Variants in MSN observed in about 807,000 individuals in gnomAD.
MSN encodes moesin.
Under a neutral mutation model 48.0 loss-of-function variants are expected in MSN, and 2 were observed. That is an observed-to-expected ratio of 0.04 (90% CI 0.02 to 0.13). The LOEUF (loss-of-function observed/expected upper bound fraction) is 0.13. Ranked by LOEUF, MSN falls within the 10% of genes least tolerant of loss-of-function variation. The probability of loss-of-function intolerance (pLI) is 1.00; values close to 1 mark genes in which losing one functional copy is unlikely to be tolerated. For synonymous variants in MSN, 146 were observed against 166.9 expected, an observed-to-expected ratio of 0.87 and a Z score of 0.97; for missense variants, 267 against 470.1, an observed-to-expected ratio of 0.57 and a Z score of 3.99.
At chrX:65,730,391 T>A (rs1055193933) in intron 4 of MSN, among the ~76,000 whole-genome samples, 3 of 111,521 alleles carry the variant, frequency 2.7e-5, no homozygotes, top group Non-Finnish European at 3.8e-5. Flanking sequence ...TTTCCTACTA[T>A]ACCCAATGGC....
At chrX:65,699,634 A>T (rs987515490) in intron 1 of MSN, among the ~76,000 whole-genome samples, 10 of 108,568 alleles carry the variant, frequency 9.2e-5, no homozygotes, top group African/African-American at 3.0e-4. Flanking sequence ...CTGTAGTCCC[A>T]GCTACTCGGA....
chrX:65,639,323 T>G (rs1403666253), intron 1 of MSN, among the ~76,000 whole-genome samples: 1 of 111,117 alleles, frequency 9.0e-6, no homozygotes, highest in East Asian at 2.8e-4. Context: ...TTTCATATTT[T>G]TAGTAGAGAC....
At chrX:65,715,892 T>C (rs928344061) in intron 1 of MSN, among the ~76,000 whole-genome samples, 3 of 111,979 alleles carry the variant, frequency 2.7e-5, no homozygotes, top group African/African-American at 9.7e-5. Context: ...GAGGGCATTC[T>C]TGTCTTGTGT....
chrX:65,622,510 G>GTCT (rs2070458235), intron 1 of MSN, among the ~76,000 whole-genome samples: 1 of 66,478 alleles, frequency 1.5e-5, no homozygotes, highest in African/African-American at 4.7e-5. Context: ...AGGCATCTTT[G>GTCT]TTTTTTTTTT....
intron 1 of MSN, chrX:65,624,824 GAAGAAAAAAGAAAGA>G (rs1214455898): frequency 1.0e-5 from 1 of 99,399 alleles, no homozygotes; most frequent in Non-Finnish European, 2.1e-5. Flanking sequence ...AGAAAAGAAA[GAAGAAAAAAGAAAGA>G]AAGAAAAAGA....
At chrX:65,628,773 G>A (rs891726953) in intron 1 of MSN, among the ~76,000 whole-genome samples, 1 of 110,494 alleles carries the variant, frequency 9.1e-6, no homozygotes, top group Non-Finnish European at 1.9e-5. Context: ...TTTTAAAACA[G>A]AATGTTTTTG....
At chrX:65,719,752 A>G (rs751151085) in intron 2 of MSN, among the ~76,000 whole-genome samples, 89 of 111,469 alleles carry the variant, frequency 8.0e-4, no homozygotes, top group Middle Eastern at 4.6e-3. Flanking sequence ...TCCCCATCCC[A>G]AACCAGATGA....
intron 1 of MSN, among the ~76,000 whole-genome samples, chrX:65,600,049 G>C (rs1199940275): frequency 9.2e-6 from 1 of 109,172 alleles, no homozygotes; most frequent in African/African-American, 3.3e-5. Flanking sequence ...GTGGGGGTGG[G>C]TATAGATGCA....
At chrX:65,629,981 C>T (rs919294284) in intron 1 of MSN, among the ~76,000 whole-genome samples, 1 of 110,892 alleles carries the variant, frequency 9.0e-6, no homozygotes, top group African/African-American at 3.3e-5. Flanking sequence ...GAGTTTGAGA[C>T]CAGCCTGGCC....
At chrX:65,679,721 A>C (rs2071035551) in intron 1 of MSN, among the ~76,000 whole-genome samples, 2 of 112,446 alleles carry the variant, frequency 1.8e-5, no homozygotes, top group Middle Eastern at 4.6e-3. Flanking sequence ...CACTTTATCC[A>C]GTGCTTGCTT....
At chrX:65,605,495 C>T (rs752506487) in intron 1 of MSN, among the ~76,000 whole-genome samples, 1 of 112,122 alleles carries the variant, frequency 8.9e-6, no homozygotes, top group African/African-American at 3.2e-5. Flanking sequence ...ACCCTTGCCC[C>T]CTACAACCCA....
intron 1 of MSN, among the ~76,000 whole-genome samples, chrX:65,696,531 T>A (rs1285184063): frequency 1.8e-5 from 2 of 111,136 alleles, no homozygotes; most frequent in Non-Finnish European, 3.8e-5. Flanking sequence ...TTTACTGTTG[T>A]CTGAAAAAAC....
chrX:65,707,974 T>G (rs1394437231), intron 1 of MSN, among the ~76,000 whole-genome samples: 3 of 111,855 alleles, frequency 2.7e-5, no homozygotes, highest in Admixed American at 9.5e-5. Context: ...TGACTTAGTT[T>G]TTTTCTAATT....
intron 1 of MSN, among the ~76,000 whole-genome samples, chrX:65,676,656 G>A (rs760982590): frequency 6.3e-4 from 70 of 111,571 alleles, no homozygotes; most frequent in Admixed American, 3.3e-3. Flanking sequence ...AGGCATACCT[G>A]TCAGGCTTGA....
At position 65,702,831 on chromosome X, in the gene MSN, G is replaced by C. The variant is rs544724543; in HGVS notation, c.13-13987G>C. On this transcript the variant is annotated intron_variant, in intron 1 of 12. Coordinates refer to ENST00000360270, the MANE Select transcript of MSN (RefSeq NM_002444.3). ...GGCAGAGTCCAGAATAAGGAAGGAA[G>C]ATCAGGCAGCCTTTGAAAATAATAA... 2.7e-5 allele frequency among the ~76,000 whole-genome samples: 3 copies of C among 111,891 alleles called. No homozygotes were observed. In the South Asian group the frequency reaches 1.1e-3, roughly 42 times the overall value.
Position 65,738,634 on chromosome X carries a change from A to G in MSN, c.1344+17A>G. ...CAGCAGAAGGTAAGACACAGGGCCT[A>G]AAGCAAAGCATTGAAGGAATGGGTG... On this transcript the variant is annotated intron_variant, in intron 11 of 12. Transcript: ENST00000360270. 1 of 1,184,506 alleles carries G rather than the reference A, an allele frequency of 8.4e-7. No homozygotes were observed. Among genetic ancestry groups the G allele is most frequent in the African/African-American group, 1.7e-5 (1 of 57,297 alleles).
intron 1 of MSN, among the ~76,000 whole-genome samples, chrX:65,708,189 G>A (rs1346795008): frequency 9.0e-6 from 1 of 110,707 alleles, no homozygotes; most frequent in African/African-American, 3.3e-5. Flanking sequence ...CATAATAAAT[G>A]CATACATAAA....
At chrX:65,734,324 C>T (rs2071653737) in intron 7 of MSN, among the ~76,000 whole-genome samples, 1 of 111,669 alleles carries the variant, frequency 9.0e-6, no homozygotes, top group Admixed American at 9.5e-5. Context: ...CTGAACTTCC[C>T]CTGCTAGGGA....
At chrX:65,670,976 C>T (rs1344931929) in intron 1 of MSN, among the ~76,000 whole-genome samples, 1 of 73,339 alleles carries the variant, frequency 1.4e-5, no homozygotes. Flanking sequence ...CTTTCCCCCT[C>T]CCTACCTTCT....
Sources: gnomAD v4.1 joint callset for allele counts (sites outside exome capture counted in the v4.1 genomes callset) on GRCh38, gnomAD v4.1.1 for gene constraint, MANE v1.5 for transcripts, NCBI Gene and HGNC (gene_info 2026-07-23, HGNC 2026-07-21) for gene names.